The following CCDC85A variants were observed in gnomAD, a reference collection of about 807,000 sequenced individuals.
CCDC85A encodes the protein coiled-coil domain containing 85A, also known as coiled-coil domain-containing protein 85A.
CCDC85A carries 38 observed loss-of-function variants against 50.2 expected under a neutral mutation model. The observed-to-expected ratio is 0.76, with a 90% CI of 0.58 to 0.99. CCDC85A has a LOEUF of 0.99. CCDC85A is among the 50% of genes least tolerant of loss of function. CCDC85A has a pLI of 0.00. For synonymous variants in CCDC85A, 366 were observed against 301.4 expected (o/e 1.21, Z -2.22); for missense variants, 820 against 742.0 (o/e 1.11, Z -1.22).
At chr2:56,204,511 C>T (rs1389251033) in intron 2 of CCDC85A, among the ~76,000 whole-genome samples, 2 of 152,104 alleles carry the variant, frequency 1.3e-5, no homozygotes, top group Non-Finnish European at 2.9e-5. Context: ...GTGAGGAAGC[C>T]GGAAACCACA....
At chr2:56,337,983 C>T (rs1674161482) in intron 2 of CCDC85A, among the ~76,000 whole-genome samples, 1 of 152,010 alleles carries the variant, frequency 6.6e-6, no homozygotes, top group Non-Finnish European at 1.5e-5. Flanking sequence ...CAGGGTTTCA[C>T]CATGTTGGCC....
intron 2 of CCDC85A, among the ~76,000 whole-genome samples, chr2:56,233,951 A>C (rs779753420): frequency 1.3e-5 from 2 of 152,334 alleles, no homozygotes; most frequent in African/African-American, 4.8e-5. Context: ...TGCATAATCA[A>C]ATTGGAAATG....
chr2:56,265,208 A>G (rs185525321), intron 2 of CCDC85A, among the ~76,000 whole-genome samples: 35 of 152,334 alleles, frequency 2.3e-4, no homozygotes, highest in Non-Finnish European at 1.2e-4. Flanking sequence ...GCCAGAGAAA[A>G]GAAGAAAAGC....
intron 2 of CCDC85A, among the ~76,000 whole-genome samples, chr2:56,240,772 A>G (rs1314643636): frequency 6.6e-6 from 1 of 152,170 alleles, no homozygotes; most frequent in Non-Finnish European, 1.5e-5. Context: ...ATAATATACC[A>G]TTCATCAATT....
At chr2:56,238,639 A>G (rs911863737) in intron 2 of CCDC85A, among the ~76,000 whole-genome samples, 1 of 152,166 alleles carries the variant, frequency 6.6e-6, no homozygotes, top group African/African-American at 2.4e-5. Context: ...TGAGGATGCT[A>G]GGTTAATTGG....
intron 2 of CCDC85A, among the ~76,000 whole-genome samples, chr2:56,256,869 G>A (rs1670006205): frequency 6.6e-6 from 1 of 152,208 alleles, no homozygotes; most frequent in Admixed American, 6.5e-5. Flanking sequence ...GTAAAGTGTT[G>A]CTGAATGAGG....
At chr2:56,364,161 G>A (rs979913852) in intron 3 of CCDC85A, among the ~76,000 whole-genome samples, 15 of 151,798 alleles carry the variant, frequency 9.9e-5, no homozygotes, top group African/African-American at 3.4e-4. Context: ...TTTCAACCAG[G>A]CCTTCAATGT....
At chr2:56,367,695 C>G (rs1675868373) in intron 3 of CCDC85A, among the ~76,000 whole-genome samples, 1 of 151,978 alleles carries the variant, frequency 6.6e-6, no homozygotes, top group African/African-American at 2.4e-5. Flanking sequence ...CTCTTGGGGG[C>G]CAAATCACCC....
intron 2 of CCDC85A, among the ~76,000 whole-genome samples, chr2:56,266,544 A>G (rs927461187): frequency 2.6e-5 from 4 of 151,422 alleles, no homozygotes; most frequent in African/African-American, 9.7e-5. Flanking sequence ...ATTATGCCCA[A>G]TAAATATATA....
chr2:56,184,663 G>A lies in CCDC85A; in HGVS notation c.39G>A (p.Ala13=). ...KAAGGAAAAA[A]AAESCSPAPA... is the part of the protein sequence containing the mutation. The stretch of plus-strand genomic sequence containing the variant: ...CCGGAGGCGCGGCGGCGGCTGCGGC[G>A]GCGGCGGAAAGTTGTTCCCCAGCCC... Residue 13 remains alanine (A), a synonymous_variant, in exon 1 of 6, where the codon GCG becomes GCA. Coordinates refer to ENST00000407595, the MANE Select transcript of CCDC85A (RefSeq NM_001080433.2). The A allele has an allele frequency of 1.4e-6, 2 of 1,456,652 alleles. No individual in the cohort carries two copies. Among genetic ancestry groups the A allele is most frequent in the Non-Finnish European group, 1.8e-6 (2 of 1,116,900 alleles). 90.2% of individuals were successfully genotyped at this position (1,456,652 alleles called of 1,614,324 possible).
intron 3 of CCDC85A, among the ~76,000 whole-genome samples, chr2:56,353,881 C>A (rs1385184892): frequency 1.3e-5 from 2 of 152,144 alleles, no homozygotes; most frequent in Non-Finnish European, 2.9e-5. Context: ...GTATATACAG[C>A]CCAGCCACAA....
At chr2:56,279,427 C>T (rs1293175835) in intron 2 of CCDC85A, among the ~76,000 whole-genome samples, 1 of 152,122 alleles carries the variant, frequency 6.6e-6, no homozygotes, top group South Asian at 2.1e-4. Flanking sequence ...TTCTCCCCCT[C>T]CCACCACCTA....
chr2:56,268,499 G>T (rs1195380884), intron 2 of CCDC85A, among the ~76,000 whole-genome samples: 1 of 151,388 alleles, frequency 6.6e-6, no homozygotes, highest in East Asian at 2.0e-4. Context: ...GGAGGCTGAG[G>T]CAGGAGAATC....
chr2:56,377,119 G>A (rs190822047), intron 5 of CCDC85A, among the ~76,000 whole-genome samples: 4 of 152,314 alleles, frequency 2.6e-5, no homozygotes, highest in East Asian at 3.9e-4. Flanking sequence ...GGAAGGCAGG[G>A]CAACCATGCT....
chr2:56,289,862 A>G (rs1232040336), intron 2 of CCDC85A, among the ~76,000 whole-genome samples: 1 of 145,376 alleles, frequency 6.9e-6, no homozygotes, highest in African/African-American at 2.7e-5. Context: ...CGCTGGCAGT[A>G]AAGTATGATA....
chr2:56,275,100 C>T (rs750574034), intron 2 of CCDC85A, among the ~76,000 whole-genome samples: 9 of 151,982 alleles, frequency 5.9e-5, no homozygotes, highest in African/African-American at 1.5e-4. Flanking sequence ...GGGTTTCAAC[C>T]GATGACTTTT....
chr2:56,275,285 T>G (rs778288152), intron 2 of CCDC85A, among the ~76,000 whole-genome samples: 2 of 152,146 alleles, frequency 1.3e-5, no homozygotes, highest in Non-Finnish European at 2.9e-5. Context: ...CTGTATTCAT[T>G]TTTTAACATT....
rs535511084 is a variant in CCDC85A at position 56,245,659 on chromosome 2, T to C, written c.1240+52219T>C. On this transcript the variant is annotated intron_variant, in intron 2 of 5. Coordinates refer to ENST00000407595, the MANE Select transcript of CCDC85A (RefSeq NM_001080433.2). ...CTTTCTCTTCCTGCCCATTTTTAAA[T>C]TGGGTTGTGCTGTGGTTTGAATATG... is the stretch of plus-strand genomic sequence containing the variant. Among the ~76,000 whole-genome samples the C allele has an allele frequency of 6.5e-4, 99 of 152,314 alleles. 1 individual carries two copies. Among genetic ancestry groups the C allele is most frequent in the Non-Finnish European group, 1.2e-3 (83 of 68,034 alleles).
At chr2:56,223,257 AC>A (rs1240088342) in intron 2 of CCDC85A, among the ~76,000 whole-genome samples, 1 of 152,184 alleles carries the variant, frequency 6.6e-6, no homozygotes. Context: ...GGGTTAGCAA[AC>A]ATTTTCTGTA....
Sources: allele counts gnomAD v4.1 joint callset (sites outside exome capture counted in the v4.1 genomes callset), GRCh38; gene constraint gnomAD v4.1.1; transcripts MANE v1.5; gene names NCBI Gene and HGNC (gene_info 2026-07-23, HGNC 2026-07-21).